TMTC2: variants seen among roughly 807,000 people sequenced by gnomAD.
TMTC2 encodes the protein transmembrane O-mannosyltransferase targeting cadherins 2.
TMTC2 carries 43 observed loss-of-function variants against 82.4 expected under a neutral mutation model. The ratio of observed to expected loss-of-function variants is 0.52; its 90% CI spans 0.41 to 0.67. The LOEUF (loss-of-function observed/expected upper bound fraction) is 0.67. Ranked by LOEUF, TMTC2 falls within the 30% of genes least tolerant of loss-of-function variation. The probability of loss-of-function intolerance (pLI) is 0.00; values close to 1 mark genes in which losing one functional copy is unlikely to be tolerated. For synonymous variants in TMTC2, 408 were observed against 381.9 expected, an observed-to-expected ratio of 1.07 and a Z score of -0.80; for missense variants, 919 against 1,012.4, an observed-to-expected ratio of 0.91 and a Z score of 1.25.
intron 1 of TMTC2, among the ~76,000 whole-genome samples, chr12:82,802,131 G>T (rs537317262): frequency 6.6e-6 from 1 of 152,130 alleles, no homozygotes; most frequent in Non-Finnish European, 1.5e-5. Context: ...GAAGGCTCAC[G>T]CATGGTAGGC....
intron 1 of TMTC2, among the ~76,000 whole-genome samples, chr12:82,689,769 C>G (rs550165855): frequency 6.6e-6 from 1 of 152,068 alleles, no homozygotes; most frequent in Non-Finnish European, 1.5e-5. Flanking sequence ...TGTTAAAATT[C>G]GTGACTTCTA....
intron 1 of TMTC2, among the ~76,000 whole-genome samples, chr12:82,835,902 C>T (rs1870010998): frequency 6.6e-6 from 1 of 152,156 alleles, no homozygotes; most frequent in South Asian, 2.1e-4. Context: ...ATAGCAGAGG[C>T]CCTGTAAAGC....
chr12:83,032,882 G>A (rs1402410642), intron 9 of TMTC2, among the ~76,000 whole-genome samples: 2 of 151,986 alleles, frequency 1.3e-5, no homozygotes, highest in African/African-American at 2.4e-5. Context: ...TATTTTGTGT[G>A]GTATTTGGAA....
At chr12:83,127,319 G>T (rs1885126228) in intron 11 of TMTC2, among the ~76,000 whole-genome samples, 2 of 151,984 alleles carry the variant, frequency 1.3e-5, no homozygotes, top group Non-Finnish European at 2.9e-5. Context: ...TCCTTTGAAT[G>T]GAAATAAATT....
intron 8 of TMTC2, among the ~76,000 whole-genome samples, chr12:83,019,252 C>T (rs1430300554): frequency 6.6e-6 from 1 of 152,124 alleles, no homozygotes; most frequent in Non-Finnish European, 1.5e-5. Context: ...TCCTCTCCTT[C>T]TGCTGACACT....
intron 1 of TMTC2, among the ~76,000 whole-genome samples, chr12:82,836,667 T>C (rs1870057928): frequency 6.6e-6 from 1 of 152,180 alleles, no homozygotes; most frequent in African/African-American, 2.4e-5. Flanking sequence ...ATAATAAATT[T>C]GTGTTTGTTT....
At chr12:82,704,724 C>A (rs1331206472) in intron 1 of TMTC2, among the ~76,000 whole-genome samples, 1 of 150,460 alleles carries the variant, frequency 6.6e-6, no homozygotes, top group Non-Finnish European at 1.5e-5. Context: ...GAAATTACTT[C>A]AGTTGTAGCT....
chr12:83,068,133 G>T (rs755564823), intron 11 of TMTC2, among the ~76,000 whole-genome samples: 1 of 152,002 alleles, frequency 6.6e-6, no homozygotes, highest in Non-Finnish European at 1.5e-5. Context: ...TTATGAGGTA[G>T]TCCACATATT....
rs143751236 is a variant in TMTC2, at chr12:82,695,633, A to G, written c.83+7964A>G. On this transcript the variant is annotated intron_variant, in intron 1 of 11. Coordinates refer to ENST00000321196, the MANE Select transcript of TMTC2 (RefSeq NM_152588.3). The stretch of plus-strand genomic sequence containing the variant: ...TGTCTCTTGGATTAAATGTGAGTAA[A>G]TAAACTCTGGAGTAAGGCTGCTCCA... 2.3e-3 allele frequency among the ~76,000 whole-genome samples: 349 copies of G among 152,332 alleles called. 2 individuals are homozygous for G. The highest frequency in any genetic ancestry group is 8.0e-3 in the African/African-American group (333 of 41,580).
intron 1 of TMTC2, among the ~76,000 whole-genome samples, chr12:82,811,882 A>G (rs1868415576): frequency 8.0e-6 from 1 of 124,556 alleles, no homozygotes; most frequent in African/African-American, 3.2e-5. Context: ...CAGTGGTGTG[A>G]TCTCAGCTCA....
At chr12:82,919,819 G>A (rs773461626) in intron 3 of TMTC2, among the ~76,000 whole-genome samples, 1 of 152,152 alleles carries the variant, frequency 6.6e-6, no homozygotes, top group Non-Finnish European at 1.5e-5. Flanking sequence ...TAGGGGTTGG[G>A]CTCTCAAGAC....
At chr12:83,013,589 C>G (rs549643703) in intron 8 of TMTC2, among the ~76,000 whole-genome samples, 1 of 152,034 alleles carries the variant, frequency 6.6e-6, no homozygotes, top group African/African-American at 2.4e-5. Context: ...TTGTTATATT[C>G]CTAAAAACAA....
intron 4 of TMTC2, among the ~76,000 whole-genome samples, 187 bp from the exon 5 acceptor site, chr12:82,964,837 G>A (rs1202746451): frequency 6.6e-6 from 1 of 152,094 alleles, no homozygotes; most frequent in Non-Finnish European, 1.5e-5. Context: ...AAATGCAACG[G>A]ATACCTATCC....
intron 1 of TMTC2, among the ~76,000 whole-genome samples, chr12:82,731,011 A>T (rs1411209262): frequency 6.6e-6 from 1 of 152,232 alleles, no homozygotes; most frequent in African/African-American, 2.4e-5. Flanking sequence ...TCAATAAGGT[A>T]ATTATTTTAA....
intron 3 of TMTC2, among the ~76,000 whole-genome samples, chr12:82,912,279 C>T (rs976714743): frequency 6.6e-6 from 1 of 152,134 alleles, no homozygotes; most frequent in South Asian, 2.1e-4. Context: ...ACCCAGGTGT[C>T]AAAGCATGGC....
intron 1 of TMTC2, among the ~76,000 whole-genome samples, chr12:82,736,662 C>G (rs1875141582): frequency 6.6e-6 from 1 of 152,152 alleles, no homozygotes; most frequent in African/African-American, 2.4e-5. Context: ...GGCATTATTC[C>G]CATGATGGAT....
intron 2 of TMTC2, among the ~76,000 whole-genome samples, chr12:82,871,920 A>G (rs1395886699): frequency 6.6e-6 from 1 of 151,964 alleles, no homozygotes; most frequent in Non-Finnish European, 1.5e-5. Flanking sequence ...CTGCTCTCTC[A>G]GGATTTACAT....
intron 1 of TMTC2, among the ~76,000 whole-genome samples, chr12:82,781,327 AC>A (rs1305863142): frequency 6.6e-6 from 1 of 151,874 alleles, no homozygotes; most frequent in Non-Finnish European, 1.5e-5. Context: ...GGAAAAACCA[AC>A]AGTCCTGTAG....
chr12:82,707,844 A>G (rs778635740), intron 1 of TMTC2, among the ~76,000 whole-genome samples: 1 of 152,196 alleles, frequency 6.6e-6, no homozygotes, highest in Non-Finnish European at 1.5e-5. Context: ...TTCTACTCTC[A>G]TGACCCTTGG....
Sources: gnomAD v4.1 joint callset for allele counts (sites outside exome capture counted in the v4.1 genomes callset) on GRCh38, gnomAD v4.1.1 for gene constraint, MANE v1.5 for transcripts, NCBI Gene and HGNC (gene_info 2026-07-23, HGNC 2026-07-21) for gene names.